METTL15: variants seen among roughly 807,000 people sequenced by gnomAD.
METTL15 encodes the protein methyltransferase 15, mitochondrial 12S rRNA N4-cytidine, also known as 12S rRNA N(4)-cytidine methyltransferase METTL15.
METTL15 carries 34 observed loss-of-function variants against 38.3 expected under a neutral mutation model. The ratio of observed to expected loss-of-function variants is 0.89; its 90% CI spans 0.68 to 1.18. The LOEUF (loss-of-function observed/expected upper bound fraction) is 1.18. Among genes scored for constraint, METTL15 ranks in the 50% most tolerant of loss-of-function variants. The pLI is 0.00. For missense variants in METTL15, 438 were observed against 498.4 expected, an observed-to-expected ratio of 0.88 and a Z score of 1.15; for synonymous variants, 162 against 170.9, an observed-to-expected ratio of 0.95 and a Z score of 0.41.
intron 6 of METTL15, among the ~76,000 whole-genome samples, chr11:28,440,836 T>A (rs1851027771): frequency 6.6e-6 from 1 of 152,178 alleles, no homozygotes; most frequent in Non-Finnish European, 1.5e-5. Context: ...CCATTAATAC[T>A]AAGGAAGCAA....
At chr11:28,446,601 A>G (rs573564131) in intron 6 of METTL15, among the ~76,000 whole-genome samples, 5 of 152,264 alleles carry the variant, frequency 3.3e-5, no homozygotes, top group South Asian at 2.1e-4. Context: ...TAACAACAAT[A>G]TATTATCATA....
intron 6 of METTL15, among the ~76,000 whole-genome samples, chr11:28,519,965 C>A (rs978874001): frequency 4.6e-5 from 7 of 152,160 alleles, no homozygotes; most frequent in Non-Finnish European, 8.8e-5. Flanking sequence ...AAGCTACACA[C>A]TGTAGTTAAA....
intron 5 of METTL15, among the ~76,000 whole-genome samples, chr11:28,397,262 G>A (rs1418661606): frequency 6.6e-6 from 1 of 151,980 alleles, no homozygotes; most frequent in African/African-American, 2.4e-5. Context: ...GAACTAAAGA[G>A]CTTCTGCACA....
rs1376219316 is a variant in METTL15 at position 28,373,087 on chromosome 11, G to C, written c.*358+11051G>C. On this transcript the variant is annotated intron_variant and NMD_transcript_variant, in intron 5 of 7. Transcript: ENST00000532947. ...AAAGTGCCACAGTAAACATACGTGT[G>C]CATGTGTCCTTATAGCAGCATGATT... Among the ~76,000 whole-genome samples the C allele has an allele frequency of 4.6e-5, 7 of 152,110 alleles. No individual in the cohort carries two copies. In the South Asian group the frequency reaches 6.2e-4, roughly 13 times the overall value.
At chr11:28,223,607 G>C (rs7107992) in intron 4 of METTL15, among the ~76,000 whole-genome samples, 70,350 of 151,940 alleles carry the variant, frequency 0.46, 17,832 homozygotes, top group Admixed American at 0.56. Flanking sequence ...TTCTAAAAGA[G>C]GAGTTAAGTT....
intron 6 of METTL15, among the ~76,000 whole-genome samples, chr11:28,302,182 T>C (rs1002426918): frequency 2.0e-5 from 3 of 152,218 alleles, no homozygotes; most frequent in African/African-American, 2.4e-5. Flanking sequence ...GCTTCCTGAG[T>C]AGCTGGGATT....
chr11:28,502,285 C>A (rs913112363), intron 6 of METTL15, among the ~76,000 whole-genome samples: 1 of 152,104 alleles, frequency 6.6e-6, no homozygotes, highest in East Asian at 1.9e-4. Context: ...GACCAGCAAA[C>A]CTTTTCTACA....
intron 4 of METTL15, among the ~76,000 whole-genome samples, chr11:28,221,887 T>C (rs1416512990): frequency 6.6e-6 from 1 of 152,102 alleles, no homozygotes; most frequent in Admixed American, 6.5e-5. Flanking sequence ...GAACAGCAAA[T>C]GTTGCTGCCT....
At chr11:28,424,874 A>G (rs1273705015) in intron 6 of METTL15, among the ~76,000 whole-genome samples, 3 of 152,176 alleles carry the variant, frequency 2.0e-5, no homozygotes, top group Non-Finnish European at 2.9e-5. Context: ...TGGTACCACT[A>G]CAGGGATGTG....
chr11:28,526,816 C>T (rs1014857810), exon 8 of METTL15: 5 of 152,232 alleles, frequency 3.3e-5, no homozygotes, highest in Non-Finnish European at 7.3e-5. Context: ...CTGACACAGA[C>T]TTTATGCAAT....
intron 4 of METTL15, among the ~76,000 whole-genome samples, chr11:28,360,151 A>G (rs1427141708): frequency 2.0e-5 from 3 of 152,204 alleles, no homozygotes; most frequent in East Asian, 3.9e-4. Context: ...TACAGACACT[A>G]TAACATTCCT....
chr11:28,250,935 G>C (rs990450939), intron 4 of METTL15, among the ~76,000 whole-genome samples: 1 of 151,964 alleles, frequency 6.6e-6, no homozygotes, highest in African/African-American at 2.4e-5. Context: ...GGGTGTAAGA[G>C]AAGAATTTCA....
intron 4 of METTL15, among the ~76,000 whole-genome samples, chr11:28,263,016 G>A (rs539212986): frequency 3.3e-5 from 5 of 151,750 alleles, no homozygotes; most frequent in African/African-American, 1.2e-4. Context: ...TTTTAATTGG[G>A]TTATTTCCAC....
At chr11:28,350,353 T>C (rs1850030425) in intron 3 of METTL15, among the ~76,000 whole-genome samples, 2 of 152,218 alleles carry the variant, frequency 1.3e-5, no homozygotes, top group African/African-American at 4.8e-5. Flanking sequence ...GAGGGTAGAA[T>C]TCCTATTTCA....
chr11:28,260,641 A>T (rs921675607), intron 4 of METTL15, among the ~76,000 whole-genome samples: 2 of 152,226 alleles, frequency 1.3e-5, no homozygotes, highest in Non-Finnish European at 2.9e-5. Flanking sequence ...AGTTGAGCAG[A>T]TAAATGCATT....
intron 6 of METTL15, among the ~76,000 whole-genome samples, chr11:28,522,982 C>G (rs1368239798): frequency 6.6e-6 from 1 of 152,216 alleles, no homozygotes; most frequent in Non-Finnish European, 1.5e-5. Flanking sequence ...GTTCAGAAAA[C>G]TAGCAAATTT....
intron 5 of METTL15, among the ~76,000 whole-genome samples, chr11:28,367,704 C>T (rs1227613303): frequency 6.6e-6 from 1 of 152,064 alleles, no homozygotes; most frequent in Non-Finnish European, 1.5e-5. Context: ...AACTATACTA[C>T]AAGGCTACAG....
intron 4 of METTL15, among the ~76,000 whole-genome samples, chr11:28,220,078 C>T (rs570775763): frequency 8.5e-4 from 129 of 152,148 alleles, no homozygotes; most frequent in South Asian, 2.9e-3. Context: ...CTGTTAGGTC[C>T]GCTTTGTGCA....
rs1011070794 is a variant in METTL15, at chr11:28,123,742, A to G, written c.270+10138A>G. ...TATCAAATTACATGCTAATTTAGGCATATATTTTTTATCTTTGTCCTATTT... is the reference window on the plus strand; with the variant it reads ...TATCAAATTACATGCTAATTTAGGCGTATATTTTTTATCTTTGTCCTATTT... On this transcript the variant is annotated intron_variant, in intron 3 of 6. Coordinates refer to ENST00000407364, the MANE Select transcript of METTL15 (RefSeq NM_001113528.2). The G allele has an allele frequency of 4.5e-5, 25 of 556,134 alleles. No individual in the cohort carries two copies. The East Asian group carries it at 7.3e-4, about 16-fold the overall frequency. The allele number at this position is 556,134 out of a possible 1,614,324, so 34.4% of individuals were successfully genotyped here. A position where few individuals can be genotyped will look rare whatever the true frequency, so the allele number is the denominator to read the frequency against.
Sources: gnomAD v4.1 joint callset for allele counts (sites outside exome capture counted in the v4.1 genomes callset) on GRCh38, gnomAD v4.1.1 for gene constraint, MANE v1.5 for transcripts, NCBI Gene and HGNC (gene_info 2026-07-23, HGNC 2026-07-21) for gene names.